Variants in DGKB observed in about 807,000 individuals in gnomAD.
DGKB encodes diacylglycerol kinase beta.
A neutral mutation model predicts 114.3 loss-of-function variants in DGKB; 67 were observed. The observed-to-expected ratio is 0.59, with a 90% CI of 0.48 to 0.72. DGKB has a LOEUF of 0.72. Among genes scored for constraint, DGKB ranks in the 30% least tolerant of loss-of-function variants. The pLI is 0.00. For missense variants in DGKB, 907 were observed against 975.2 expected, an observed-to-expected ratio of 0.93 and a Z score of 0.93; for synonymous variants, 398 against 323.1, an observed-to-expected ratio of 1.23 and a Z score of -2.49.
intron 1 of DGKB, among the ~76,000 whole-genome samples, chr7:14,926,452 A>T (rs1284558252): frequency 6.7e-6 from 1 of 149,250 alleles, no homozygotes; most frequent in Non-Finnish European, 1.5e-5. Flanking sequence ...ACCTTTTGGA[A>T]TCTTCCTATT....
intron 2 of DGKB, among the ~76,000 whole-genome samples, chr7:14,816,730 C>T (rs10260109): frequency 0.49 from 73,827 of 151,994 alleles, 18,246 homozygotes; most frequent in Non-Finnish European, 0.53. Context: ...TACATATGCA[C>T]GAATTTAATT....
At chr7:14,360,155 C>A (rs917378525) in intron 21 of DGKB, among the ~76,000 whole-genome samples, 1 of 151,998 alleles carries the variant, frequency 6.6e-6, no homozygotes, top group Non-Finnish European at 1.5e-5. Context: ...GAGTTCATGT[C>A]CTTTGCAGGG....
chr7:14,799,828 G>T (rs950662096), intron 2 of DGKB, among the ~76,000 whole-genome samples: 1 of 152,204 alleles, frequency 6.6e-6, no homozygotes, highest in Non-Finnish European at 1.5e-5. Context: ...TTGGGATGGT[G>T]TGAGGAGCCT....
At chr7:14,741,937 T>C (rs189769960) in intron 4 of DGKB, among the ~76,000 whole-genome samples, 115 of 152,330 alleles carry the variant, frequency 7.5e-4, no homozygotes, top group African/African-American at 2.7e-3. Context: ...CTTTATGTTT[T>C]TTTCTTCATG....
chr7:14,907,809 G>A (rs771790152), upstream of DGKB, among the ~76,000 whole-genome samples: 34 of 152,130 alleles, frequency 2.2e-4, no homozygotes, highest in Non-Finnish European at 4.4e-4. Flanking sequence ...AAGGTACCTG[G>A]TATTATAAAG....
In DGKB at chr7:14,305,528, T is replaced by C. The variant is rs142351308; in HGVS notation, c.2122+32987A>G. Reference sequence around the variant, plus strand: ...TTTAAAGACAATGAACTCTCTAATGTACATGGATATACATTTGGGATTCCT... The same window carrying C: ...TTTAAAGACAATGAACTCTCTAATGCACATGGATATACATTTGGGATTCCT... On this transcript the variant is annotated intron_variant, in intron 23 of 25. Coordinates refer to ENST00000402815, the MANE Select transcript of DGKB (RefSeq NM_001350709.2). 2.6e-5 allele frequency among the ~76,000 whole-genome samples: 4 copies of C among 152,302 alleles called. No individual in the cohort carries two copies. In the East Asian group the frequency reaches 7.7e-4, roughly 29 times the overall value.
rs778576978 is a variant in DGKB at position 14,338,538 on chromosome 7, T to C, written c.2099A>G (p.Lys700Arg). The change falls in exon 23 of 26, where the codon AAA (lysine) becomes AGA (arginine). Residue 700 changes from lysine to arginine, a missense_variant. By Grantham distance (26) the Lys-to-Arg change is conservative (BLOSUM62 2). Transcript: ENST00000402815. ...SDKRTTVTDA[K>R]ELKFASQDLS... ...ACCTTGACTTGCAAACTTCAACTCT[T>C]TGGCATCTGTGACGGTGGTCCTTTT... is the stretch of plus-strand genomic sequence containing the variant. 5.7e-6 allele frequency: 9 copies of C among 1,581,298 alleles called. No individual in the cohort carries two copies. The African/African-American group carries it at 1.2e-4, about 22-fold the overall frequency.
intron 8 of DGKB, among the ~76,000 whole-genome samples, chr7:14,695,457 TA>T (rs1056285928): frequency 1.9e-4 from 28 of 148,034 alleles, no homozygotes; most frequent in African/African-American, 6.9e-4. Context: ...ACTACTATTG[TA>T]ATCAACCTCA....
chr7:14,792,537 T>C (rs1287084334), intron 2 of DGKB, among the ~76,000 whole-genome samples: 2 of 152,106 alleles, frequency 1.3e-5, no homozygotes, highest in African/African-American at 4.8e-5. Context: ...TTCTAATCTT[T>C]CTGTAAATGA....
chr7:14,769,070 TAAGAAAGAAAGAAAGAAAGAAAGA>T (rs5882458), intron 2 of DGKB, among the ~76,000 whole-genome samples: 96 of 84,310 alleles, frequency 1.1e-3, no homozygotes, highest in African/African-American at 4.2e-3. Context: ...TTTTTAAAGA[TAAGAAAGAAAGAAAGAAAGAAAGA>T]AAGAAAGAAA....
At chr7:14,293,254 A>AT (rs1238551162) in intron 23 of DGKB, among the ~76,000 whole-genome samples, 1 of 152,190 alleles carries the variant, frequency 6.6e-6, no homozygotes, top group Non-Finnish European at 1.5e-5. Context: ...CTCTGCAGAA[A>AT]TCATGTCAAG....
At chr7:14,350,754 C>T (rs987808364) in intron 21 of DGKB, among the ~76,000 whole-genome samples, 1 of 151,244 alleles carries the variant, frequency 6.6e-6, no homozygotes, top group African/African-American at 2.4e-5. Context: ...GCGATTTGAC[C>T]TATATTGTAT....
chr7:14,732,161 T>C (rs1586065774), intron 5 of DGKB, among the ~76,000 whole-genome samples: 3 of 151,814 alleles, frequency 2.0e-5, no homozygotes, highest in Admixed American at 6.6e-5. Context: ...TTTTACTATG[T>C]ATCCTGTAAT....
chr7:14,553,865 CTTTTTTTTTTTT>C (rs58879064), intron 20 of DGKB, among the ~76,000 whole-genome samples: 1 of 71,208 alleles, frequency 1.4e-5, no homozygotes, highest in Non-Finnish European at 2.4e-5. Context: ...CCTTTACATG[CTTTTTTTTTTTT>C]TTTTTTTTTT....
rs937113447 is a variant in DGKB, at chr7:14,531,154, T to C, written c.1770+43058A>G. Among the ~76,000 whole-genome samples, 11 of 151,552 alleles carry C rather than the reference T, an allele frequency of 7.3e-5. No individual in the cohort carries two copies. In the East Asian group the frequency reaches 2.1e-3, roughly 29 times the overall value. The stretch of plus-strand genomic sequence containing the variant: ...AGGGAATGCTGACTTTTACCACATA[T>C]AATCAGTCTTTCAGTAGAGGCTATT... On this transcript the variant is annotated intron_variant, in intron 20 of 25. Transcript: ENST00000402815.
chr7:14,853,641 G>A (rs1489760979), intron 1 of DGKB, among the ~76,000 whole-genome samples: 2 of 151,704 alleles, frequency 1.3e-5, no homozygotes, highest in African/African-American at 2.4e-5. Flanking sequence ...CGGATGACGT[G>A]GTCAGGACAT....
intron 23 of DGKB, among the ~76,000 whole-genome samples, chr7:14,232,570 A>G (rs1792077416): frequency 6.6e-6 from 1 of 151,836 alleles, no homozygotes; most frequent in African/African-American, 2.4e-5. Flanking sequence ...GAGTGAACCA[A>G]ATGCATCTCA....
chr7:14,546,211 T>G (rs1301623533), intron 20 of DGKB, among the ~76,000 whole-genome samples: 2 of 152,238 alleles, frequency 1.3e-5, no homozygotes, highest in Non-Finnish European at 2.9e-5. Context: ...CAATCCCAAT[T>G]TAATTTCATT....
intron 23 of DGKB, among the ~76,000 whole-genome samples, chr7:14,206,339 G>A (rs951732580): frequency 1.7e-4 from 26 of 152,046 alleles, no homozygotes; most frequent in Admixed American, 1.7e-3. Context: ...ACAACTGGAA[G>A]CATGTGAGAC....
Sources: gnomAD v4.1 joint callset for allele counts (sites outside exome capture counted in the v4.1 genomes callset) on GRCh38, gnomAD v4.1.1 for gene constraint, MANE v1.5 for transcripts, NCBI Gene and HGNC (gene_info 2026-07-23, HGNC 2026-07-21) for gene names.